The following C8orf89 variants were observed in gnomAD, a reference collection of about 807,000 sequenced individuals.
The protein encoded by C8orf89 is putative uncharacterized protein C8orf89.
Under a neutral mutation model 15.8 loss-of-function variants are expected in C8orf89, and 14 were observed. The observed-to-expected ratio is 0.89, with a 90% CI of 0.59 to 1.39. The LOEUF is 1.39. Among genes scored for constraint, C8orf89 ranks in the 40% most tolerant of loss-of-function variants. C8orf89 has a pLI of 0.00. For synonymous variants in C8orf89, 55 were observed against 62.2 expected (o/e 0.88, Z 0.54); for missense variants, 181 against 184.5 (o/e 0.98, Z 0.11).
chr8:73,245,395 A>G (rs1354481405), intron 3 of C8orf89, among the ~76,000 whole-genome samples: 1 of 152,278 alleles, frequency 6.6e-6, no homozygotes, highest in Non-Finnish European at 1.5e-5. Context: ...AGAGAGGTTT[A>G]TACCCTAAAA....
chr8:73,259,228 C>T (rs1165341521), intron 1 of C8orf89, 104 bp downstream of exon 1: 3 of 654,524 alleles, frequency 4.6e-6, no homozygotes, highest in East Asian at 3.2e-5. Context: ...ATAATTCTTA[C>T]ATAAATGTCA....
chr8:73,249,379 T>C (rs1813198118), intron 3 of C8orf89, among the ~76,000 whole-genome samples: 1 of 152,172 alleles, frequency 6.6e-6, no homozygotes, highest in Non-Finnish European at 1.5e-5. Flanking sequence ...ACCTGTGGTT[T>C]TCTTTTTTTG....
chr8:73,274,266 G>GCC, the C8orf89 span, among the ~76,000 whole-genome samples: 6 of 151,954 alleles, frequency 3.9e-5, no homozygotes, highest in Non-Finnish European at 5.9e-5. Context: ...CCCTTCTCCT[G>GCC]ACAGCCTCCC....
chr8:73,278,907 C>T, the C8orf89 span, among the ~76,000 whole-genome samples: 231 of 152,286 alleles, frequency 1.5e-3, 1 homozygote, highest in African/African-American at 5.0e-3. Context: ...ACCCAAGCAT[C>T]TTAGGTACGA....
chr8:73,256,412 A>G (rs2546219), intron 2 of C8orf89, among the ~76,000 whole-genome samples: 23,305 of 151,872 alleles, frequency 0.15, 1,801 homozygotes, highest in East Asian at 0.19. Context: ...CTAGGCTAGG[A>G]CAATCAAGGT....
intron 2 of C8orf89, among the ~76,000 whole-genome samples, chr8:73,255,251 T>C (rs979439388): frequency 4.6e-5 from 7 of 152,004 alleles, no homozygotes; most frequent in South Asian, 2.1e-4. Flanking sequence ...GAATCTACAA[T>C]TAACTCAAAC....
chr8:73,252,278 T>G (rs546726650), intron 2 of C8orf89, among the ~76,000 whole-genome samples: 1 of 152,206 alleles, frequency 6.6e-6, no homozygotes, highest in African/African-American at 2.4e-5. Flanking sequence ...TAGGAAGTGA[T>G]GAAGTAAACT....
At chr8:73,276,019 G>A in the C8orf89 span, among the ~76,000 whole-genome samples, 1 of 152,146 alleles carries the variant, frequency 6.6e-6, no homozygotes, top group South Asian at 2.1e-4. Flanking sequence ...ATGCATTTAT[G>A]TGTGCATATA....
At position 73,247,997 on chromosome 8, in the gene C8orf89, A is replaced by T. The variant is rs367618554; in HGVS notation, c.337+2271T>A. ...TTGCGGCATTGCTTTTGGCATCTTC[A>T]TCATGAAATCTTTGCCTGTTCCTAT... is the stretch of plus-strand genomic sequence containing the variant. On this transcript the variant is annotated intron_variant, in intron 3 of 3. Coordinates refer to ENST00000624510, the MANE Select transcript of C8orf89 (RefSeq NM_001243237.3). Among the ~76,000 whole-genome samples the T allele has an allele frequency of 4.9e-4, 75 of 152,226 alleles. 1 individual carries two copies. The South Asian group carries it at 0.015, about 29-fold the overall frequency.
At chr8:73,246,136 G>T (rs1813116918) in intron 3 of C8orf89, among the ~76,000 whole-genome samples, 1 of 152,092 alleles carries the variant, frequency 6.6e-6, no homozygotes, top group Admixed American at 6.6e-5. Flanking sequence ...TTCTAAATTG[G>T]GTGTATTTCA....
the C8orf89 span, among the ~76,000 whole-genome samples, chr8:73,271,256 C>T: frequency 6.6e-6 from 1 of 152,188 alleles, no homozygotes; most frequent in Non-Finnish European, 1.5e-5. Context: ...AAATCTCATG[C>T]TGACTTTTAC....
chr8:73,264,813 T>C, the C8orf89 span, among the ~76,000 whole-genome samples: 9,280 of 152,228 alleles, frequency 0.061, 320 homozygotes, highest in East Asian at 0.16. Flanking sequence ...TGAGCTGAGA[T>C]CTCAATGGAC....
chr8:73,245,583 T>C (rs1586160800), intron 3 of C8orf89, among the ~76,000 whole-genome samples: 1 of 151,972 alleles, frequency 6.6e-6, no homozygotes, highest in East Asian at 1.9e-4. Flanking sequence ...AAGCTCTTCA[T>C]TGAAAAAACT....
the C8orf89 span, among the ~76,000 whole-genome samples, chr8:73,273,209 C>A: frequency 6.6e-6 from 1 of 152,142 alleles, no homozygotes; most frequent in African/African-American, 2.4e-5. Context: ...TTCTGAGTGG[C>A]GGGGCAAAAG....
chr8:73,247,269 G>T (rs1813148212), intron 3 of C8orf89, among the ~76,000 whole-genome samples: 1 of 316 alleles, frequency 3.2e-3, no homozygotes, highest in Non-Finnish European at 8.9e-3. Flanking sequence ...CAAAGGACAT[G>T]ATCTGTTCTT....
At chr8:73,250,018 G>C (rs1813213052) in intron 3 of C8orf89, among the ~76,000 whole-genome samples, 1 of 152,102 alleles carries the variant, frequency 6.6e-6, no homozygotes, top group Non-Finnish European at 1.5e-5. Context: ...TTCAAAACAA[G>C]AAGACCAGTT....
At chr8:73,255,891 T>G (rs1435245668) in intron 2 of C8orf89, among the ~76,000 whole-genome samples, 1 of 147,968 alleles carries the variant, frequency 6.8e-6, no homozygotes, top group Non-Finnish European at 1.5e-5. Context: ...TTCTCACTCA[T>G]AGGTGGGAAT....
chr8:73,258,258 A>G (rs1224552769), intron 1 of C8orf89, among the ~76,000 whole-genome samples: 1 of 152,076 alleles, frequency 6.6e-6, no homozygotes, highest in Admixed American at 6.6e-5. Context: ...AAAAATAACA[A>G]AAATCTGCTG....
chr8:73,247,104 T>C (rs771367105), intron 3 of C8orf89, among the ~76,000 whole-genome samples: 1 of 152,214 alleles, frequency 6.6e-6, no homozygotes, highest in Admixed American at 6.5e-5. Flanking sequence ...TAAACTTGTG[T>C]CACAGGGATT....
Sources: gnomAD v4.1 joint callset for allele counts (sites outside exome capture counted in the v4.1 genomes callset) on GRCh38, gnomAD v4.1.1 for gene constraint, MANE v1.5 for transcripts, NCBI Gene and HGNC (gene_info 2026-07-23, HGNC 2026-07-21) for gene names.